The following MCTP1 variants were observed in gnomAD, a reference collection of about 807,000 sequenced individuals.
The protein encoded by MCTP1 is multiple C2 and transmembrane domain-containing protein 1.
Under a neutral mutation model 120.6 loss-of-function variants are expected in MCTP1, and 69 were observed. The observed-to-expected ratio is 0.57, with a 90% CI of 0.47 to 0.70. The LOEUF (loss-of-function observed/expected upper bound fraction) is 0.70, where lower values mean the gene tolerates loss of function less well. Among genes scored for constraint, MCTP1 ranks in the 30% least tolerant of loss-of-function variants. The pLI, the probability that MCTP1 is intolerant of heterozygous loss-of-function variation, is 0.00. For missense variants in MCTP1, 1,203 were observed against 1,248.8 expected (o/e 0.96, Z 0.55); for synonymous variants, 529 against 493.1 (o/e 1.07, Z -0.96).
Position 95,061,408 on chromosome 5 carries a change from G to GTTGTTTTTTTTTTTT in MCTP1, c.721-43925_721-43924insAAAAAAAAAAAACAA, listed in dbSNP as rs1749067994. Among the ~76,000 whole-genome samples, 22 of 33,478 alleles carry GTTGTTTTTTTTTTTT rather than the reference G, an allele frequency of 6.6e-4. 5 individuals are homozygous for GTTGTTTTTTTTTTTT. Among genetic ancestry groups the GTTGTTTTTTTTTTTT allele is most frequent in the Non-Finnish European group, 1.1e-3 (17 of 16,070 alleles). The allele number at this position is 33,478 out of a possible 152,430, so 22.0% of individuals were successfully genotyped here. A position where few individuals can be genotyped will look rare whatever the true frequency, so the allele number is the denominator to read the frequency against. ...ATCAATTTTCACAAACCCCTTAAGG[G>GTTGTTTTTTTTTTTT]TTTTTTTTTTTTTTTTTTTTTTTTT... is the stretch of plus-strand genomic sequence containing the variant. On this transcript the variant is annotated intron_variant, in intron 1 of 22. Coordinates refer to ENST00000515393, the MANE Select transcript of MCTP1 (RefSeq NM_024717.7).
At chr5:95,251,472 A>G (rs564858119) in intron 1 of MCTP1, among the ~76,000 whole-genome samples, 1 of 152,162 alleles carries the variant, frequency 6.6e-6, no homozygotes, top group Non-Finnish European at 1.5e-5. Context: ...GAAAGAAATT[A>G]AGAAAGAATT....
chr5:94,962,082 A>G (rs1162035312), intron 2 of MCTP1, among the ~76,000 whole-genome samples: 1 of 152,138 alleles, frequency 6.6e-6, no homozygotes, highest in Non-Finnish European at 1.5e-5. Flanking sequence ...GCAAATCAAA[A>G]TCACAGTGCA....
rs544323357 is a variant in MCTP1 at position 94,845,254 on chromosome 5, T to C, written c.2436+23079A>G. On this transcript the variant is annotated intron_variant, in intron 17 of 22. Coordinates refer to ENST00000515393, the MANE Select transcript of MCTP1 (RefSeq NM_024717.7). The stretch of plus-strand genomic sequence containing the variant: ...CACTGCTAGGGAGGCCTCACAATCA[T>C]GGTAGAAGGTGAAGGAAGAGCAACG... 3.3e-5 allele frequency among the ~76,000 whole-genome samples: 5 copies of C among 152,258 alleles called. No homozygotes were observed. In the East Asian group the frequency reaches 7.7e-4, roughly 24 times the overall value.
intron 12 of MCTP1, among the ~76,000 whole-genome samples, chr5:94,875,379 T>C (rs915083286): frequency 6.6e-6 from 1 of 151,722 alleles, no homozygotes; most frequent in African/African-American, 2.4e-5. Flanking sequence ...TCTGGGGAGA[T>C]TGGACAGGTG....
intron 19 of MCTP1, among the ~76,000 whole-genome samples, chr5:94,771,123 G>T (rs1345030016): frequency 6.6e-6 from 1 of 152,124 alleles, no homozygotes; most frequent in Non-Finnish European, 1.5e-5. Flanking sequence ...TGTAAAATTT[G>T]TATTTATCTC....
At chr5:95,266,576 AT>A (rs1293203916) in intron 1 of MCTP1, among the ~76,000 whole-genome samples, 1 of 152,148 alleles carries the variant, frequency 6.6e-6, no homozygotes, top group Non-Finnish European at 1.5e-5. Context: ...ACTACATCAC[AT>A]TTTTCCATAA....
intron 1 of MCTP1, among the ~76,000 whole-genome samples, chr5:95,202,523 T>C: frequency 6.6e-6 from 1 of 152,240 alleles, no homozygotes; most frequent in South Asian, 2.1e-4. Context: ...GTTGTCTCTT[T>C]GGAGAACCCT....
intron 1 of MCTP1, among the ~76,000 whole-genome samples, chr5:95,172,981 T>C (rs1228989240): frequency 6.6e-6 from 1 of 152,220 alleles, no homozygotes; most frequent in African/African-American, 2.4e-5. Context: ...ATAGACCATA[T>C]TAATTTCAGC....
chr5:95,123,648 C>A (rs1758398887), intron 1 of MCTP1, among the ~76,000 whole-genome samples: 1 of 84,644 alleles, frequency 1.2e-5, no homozygotes, highest in South Asian at 3.6e-4. Context: ...CTAACAAGCT[C>A]TGCTTTTTTT....
chr5:95,240,810 A>G (rs1316645742), intron 1 of MCTP1, among the ~76,000 whole-genome samples: 1 of 151,976 alleles, frequency 6.6e-6, no homozygotes, highest in Non-Finnish European at 1.5e-5. Flanking sequence ...AGAATCTCTT[A>G]TCTTCCTTTT....
chr5:95,250,784 T>G (rs1229242470), intron 1 of MCTP1, among the ~76,000 whole-genome samples: 1 of 152,222 alleles, frequency 6.6e-6, no homozygotes, highest in Non-Finnish European at 1.5e-5. Flanking sequence ...TTTTTCCTTA[T>G]AGCTTTATTA....
In MCTP1 at chr5:94,888,892, A is replaced by G. The variant is rs747810176; in HGVS notation, c.1920T>C (p.Ala640=). Residue 640 remains alanine (A), a synonymous_variant, in exon 12 of 23, where the codon GCT becomes GCC. Transcript: ENST00000515393. ...ATCATCTCTTACCAGTGACGTCGGCAGCCATTAACCCTTCCGCTCTGATGA... is the reference window on the plus strand; with the variant it reads ...ATCATCTCTTACCAGTGACGTCGGCGGCCATTAACCCTTCCGCTCTGATGA... ...VKVIRAEGLM[A]ADVTGKSDPF... is the part of the protein sequence containing the mutation. 1 of 1,611,836 alleles carries G rather than the reference A, an allele frequency of 6.2e-7. No individual in the cohort carries two copies. Among genetic ancestry groups the G allele is most frequent in the Admixed American group, 1.7e-5 (1 of 60,006 alleles).
rs1307221388 is a variant in MCTP1 at position 94,799,013 on chromosome 5, T to C, written c.2556A>G (p.Thr852=). 5 of 1,610,384 alleles carry C rather than the reference T, an allele frequency of 3.1e-6. No homozygotes were observed. Among genetic ancestry groups the C allele is most frequent in the Non-Finnish European group, 2.5e-6 (3 of 1,178,066 alleles). ...TACAAGTAAGAGAGTAGAGACTTAC[T>C]GTATCACGTTGCCTGTTATCTTTCC... is the stretch of plus-strand genomic sequence containing the variant. The part of the protein sequence containing the change: ...ISGKDNRQRD[T]VVEDMLEDEE... Residue 852 remains threonine (T), a splice_region_variant and synonymous_variant, in exon 18 of 23, where the codon ACA becomes ACG. Transcript: ENST00000515393.
At chr5:94,975,257 G>A (rs902889599) in intron 2 of MCTP1, among the ~76,000 whole-genome samples, 3 of 152,166 alleles carry the variant, frequency 2.0e-5, no homozygotes, top group Admixed American at 6.6e-5. Flanking sequence ...CAAATTCGTA[G>A]GCTGAAACTC....
chr5:95,074,629 C>T (rs1352632531), intron 1 of MCTP1, among the ~76,000 whole-genome samples: 1 of 152,106 alleles, frequency 6.6e-6, no homozygotes, highest in South Asian at 2.1e-4. Flanking sequence ...GTGGACCTAT[C>T]TGTGTGATTA....
At chr5:94,757,984 A>G (rs1303000881) in intron 19 of MCTP1, among the ~76,000 whole-genome samples, 1 of 152,202 alleles carries the variant, frequency 6.6e-6, no homozygotes, top group Non-Finnish European at 1.5e-5. Context: ...GAAGTTATTA[A>G]TGTCTTCAGG....
chr5:94,946,650 C>T (rs1199098803), intron 3 of MCTP1, among the ~76,000 whole-genome samples: 1 of 152,078 alleles, frequency 6.6e-6, no homozygotes, highest in African/African-American at 2.4e-5. Flanking sequence ...TAGGAAAACT[C>T]CTGATATGAA....
intron 1 of MCTP1, among the ~76,000 whole-genome samples, chr5:95,077,460 A>G (rs536607383): frequency 4.6e-5 from 7 of 151,648 alleles, no homozygotes; most frequent in Non-Finnish European, 1.0e-4. Flanking sequence ...GTAAGCAATT[A>G]TGGTTCATTA....
chr5:95,068,760 C>G, intron 1 of MCTP1: 2 of 1,259,228 alleles, frequency 1.6e-6, no homozygotes, highest in Non-Finnish European at 2.1e-6. Flanking sequence ...CACACTTTGT[C>G]AGTCATTTCC....
Sources: allele counts gnomAD v4.1 joint callset (sites outside exome capture counted in the v4.1 genomes callset), GRCh38; gene constraint gnomAD v4.1.1; transcripts MANE v1.5; gene names NCBI Gene and HGNC (gene_info 2026-07-23, HGNC 2026-07-21).